Variants in NINL observed in about 807,000 individuals in gnomAD.
NINL encodes the protein ninein like.
In NINL, 153 loss-of-function variants were observed where a neutral mutation model predicts 160.3. The observed-to-expected ratio is 0.95, with a 90% confidence interval of 0.84 to 1.09. The LOEUF (loss-of-function observed/expected upper bound fraction) is 1.09, where lower values mean the gene tolerates loss of function less well. NINL is among the 50% of genes least tolerant of loss of function. NINL has a pLI of 0.00. For missense variants in NINL, 1,829 were observed against 1,764.0 expected (o/e 1.04, Z -0.66); for synonymous variants, 800 against 734.8 (o/e 1.09, Z -1.43).
chr20:25,549,264 G>A (rs1396653689), intron 1 of NINL, among the ~76,000 whole-genome samples: 2 of 115,712 alleles, frequency 1.7e-5, no homozygotes, highest in Non-Finnish European at 3.6e-5. Flanking sequence ...GGCTGACCCC[G>A]GGACCCACAG....
In NINL at chr20:25,478,923, C is replaced by G; in HGVS notation, c.2201G>C (p.Arg734Thr). The G allele has an allele frequency of 6.5e-7, 1 of 1,527,622 alleles. No homozygotes were observed. Among genetic ancestry groups the G allele is most frequent in the South Asian group, 1.2e-5 (1 of 81,218 alleles). The allele number at this position is 1,527,622 out of a possible 1,614,324, so 94.6% of individuals were successfully genotyped here. A position where few individuals can be genotyped will look rare whatever the true frequency, so the allele number is the denominator to read the frequency against. The change falls in exon 16 of 24, where the codon AGG (arginine) becomes ACG (threonine). Residue 734 changes from arginine (R) to threonine (T), a missense_variant and splice_region_variant. Coordinates refer to ENST00000278886, the MANE Select transcript of NINL (RefSeq NM_025176.6). Reference sequence around the variant, plus strand: ...AAATCTCAAAAGAAGCTGGCTGGACCTGATCTGCTGCAGGTGGCTGTGATG... The same window carrying G: ...AAATCTCAAAAGAAGCTGGCTGGACGTGATCTGCTGCAGGTGGCTGTGATG... ...LRHHSHLQQIRREAEAELSGE... is the reference protein window; with the variant it reads ...LRHHSHLQQITREAEAELSGE...
intron 23 of NINL, among the ~76,000 whole-genome samples, 175 bp from the exon 24 acceptor site, chr20:25,453,817 G>A (rs1248945179): frequency 6.6e-6 from 1 of 152,246 alleles, no homozygotes; most frequent in Non-Finnish European, 1.5e-5. Flanking sequence ...TTGGGAGGCT[G>A]AGGTGGGCAG....
Position 25,512,884 on chromosome 20 carries a change from C to T in NINL, c.400G>A (p.Ala134Thr). The T allele has an allele frequency of 1.2e-6, 2 of 1,614,186 alleles. No homozygotes were observed. Among genetic ancestry groups the T allele is most frequent in the East Asian group, 2.2e-5 (1 of 44,880 alleles). Residue 134 changes from alanine (A) to threonine (T), a missense_variant, in exon 4 of 24, where the codon GCC becomes ACC. By Grantham distance (58) the Ala-to-Thr change is moderately conservative. Transcript: ENST00000278886. Reference protein sequence around the residue: ...ARRVPEQQTQASLKSHLWRSA... With the variant: ...ARRVPEQQTQTSLKSHLWRSA... The stretch of plus-strand genomic sequence containing the variant: ...CGCCAGAGGTGACTTTTCAGGCTGG[C>T]CTGGGTTTGCTGCTCCGGCACGCGT...
intron 1 of NINL, among the ~76,000 whole-genome samples, chr20:25,575,548 C>G (rs1023834971): frequency 6.6e-6 from 1 of 151,100 alleles, no homozygotes; most frequent in African/African-American, 2.4e-5. Flanking sequence ...GTCAGGAATT[C>G]GAGACCAGCT....
At chr20:25,576,313 G>A (rs1444005620) in intron 1 of NINL, among the ~76,000 whole-genome samples, 4 of 152,148 alleles carry the variant, frequency 2.6e-5, no homozygotes, top group Non-Finnish European at 5.9e-5. Flanking sequence ...GGAACACCTG[G>A]GTCAGGTGTG....
chr20:25,573,814 T>C (rs1023061747), intron 1 of NINL, among the ~76,000 whole-genome samples: 3 of 152,096 alleles, frequency 2.0e-5, no homozygotes, highest in East Asian at 1.9e-4. Flanking sequence ...CTGACACACA[T>C]AGAGTTCAAG....
At position 25,573,620 on chromosome 20, in the gene NINL, C is replaced by A. The variant is rs1328922635; in HGVS notation, c.-12+11835G>T. Among the ~76,000 whole-genome samples, 5 of 152,170 alleles carry A rather than the reference C, an allele frequency of 3.3e-5. No individual in the cohort carries two copies. In the East Asian group the frequency reaches 9.6e-4, roughly 29 times the overall value. On this transcript the variant is annotated intron_variant, in intron 1 of 23. Transcript: ENST00000278886. ...AGAGGATTCAGAATTGCCTGTCAAC[C>A]TAAATGTAGATAAAACACAGCAATC...
intron 18 of NINL, 103 bp downstream of exon 18, chr20:25,469,888 A>T: frequency 1.3e-6 from 1 of 774,626 alleles, no homozygotes; most frequent in South Asian, 1.6e-5. Flanking sequence ...ATGCAGGGCT[A>T]ATCTGAGAAC....
At chr20:25,493,459 G>A (rs1418340443) in intron 10 of NINL, among the ~76,000 whole-genome samples, 1 of 152,156 alleles carries the variant, frequency 6.6e-6, no homozygotes, top group Non-Finnish European at 1.5e-5. Context: ...AAAGGAGGGG[G>A]CGTCCAGGGA....
chr20:25,489,163 C>T lies in NINL; in HGVS notation c.1677+81G>A, dbSNP rs535510385. 42 of 1,306,206 alleles carry T rather than the reference C, an allele frequency of 3.2e-5. No individual in the cohort carries two copies. In the African/African-American group the frequency reaches 4.8e-4, roughly 15 times the overall value. The allele number at this position is 1,306,206 out of a possible 1,614,324, so 80.9% of individuals were successfully genotyped here. ...AGAGGCTCTCCCTGGAGCAGACACT[C>T]CTGCGTTACTGTGGACCACCTGCGT... On this transcript the variant is annotated intron_variant, in intron 13 of 23. Coordinates refer to ENST00000278886, the MANE Select transcript of NINL (RefSeq NM_025176.6).
At chr20:25,484,417 C>T (rs2063465979) in intron 13 of NINL, among the ~76,000 whole-genome samples, 1 of 152,166 alleles carries the variant, frequency 6.6e-6, no homozygotes, top group Non-Finnish European at 1.5e-5. Flanking sequence ...ACCAAGACTC[C>T]TTGGAGAAAT....
rs1601070580 is a variant in NINL at position 25,477,019 on chromosome 20, TC to T, written c.2271del (p.Thr758ProfsTer28). 3 of 1,600,468 alleles carry T rather than the reference TC, an allele frequency of 1.9e-6. No homozygotes were observed. Among genetic ancestry groups the T allele is most frequent in the Non-Finnish European group, 8.5e-7 (1 of 1,179,662 alleles). On this transcript the variant is annotated frameshift_variant, in exon 17 of 24. Transcript: ENST00000278886. LOFTEE classifies it high-confidence loss of function. ...GLGALPARRD[L>X]TLELEEPPQG... ...TGCGGCGGCTCCTCCAGCTCCAAGG[TC>T]AGGTCTCTGCGAGCGGGCAGGGCTC...
chr20:25,523,654 T>G (rs1336452383), intron 2 of NINL, among the ~76,000 whole-genome samples: 1 of 152,034 alleles, frequency 6.6e-6, no homozygotes, highest in East Asian at 1.9e-4. Flanking sequence ...TGTTTGCTTG[T>G]TTTTTTGAGA....
chr20:25,566,521 T>C (rs1309558315), intron 1 of NINL, among the ~76,000 whole-genome samples: 2 of 152,170 alleles, frequency 1.3e-5, no homozygotes, highest in African/African-American at 4.8e-5. Flanking sequence ...TAACTATGAT[T>C]AACATGTGAG....
intron 7 of NINL, among the ~76,000 whole-genome samples, chr20:25,503,179 C>T (rs977237161): frequency 9.2e-5 from 14 of 151,794 alleles, no homozygotes; most frequent in African/African-American, 3.4e-4. Flanking sequence ...AGTTCCTCAC[C>T]TGAGCACTGC....
intron 16 of NINL, among the ~76,000 whole-genome samples, chr20:25,477,973 G>A (rs976410648): frequency 2.8e-5 from 4 of 144,566 alleles, no homozygotes; most frequent in African/African-American, 1.0e-4. Flanking sequence ...TTTTTTAGAC[G>A]AGTCTCACTT....
chr20:25,539,513 C>T (rs574096326), intron 1 of NINL, among the ~76,000 whole-genome samples: 4 of 152,308 alleles, frequency 2.6e-5, no homozygotes, highest in East Asian at 3.9e-4. Flanking sequence ...GCGCTCCATA[C>T]GGAGACTGCT....
chr20:25,519,746 G>A (rs1229769028), intron 2 of NINL, among the ~76,000 whole-genome samples: 1 of 152,088 alleles, frequency 6.6e-6, no homozygotes, highest in African/African-American at 2.4e-5. Flanking sequence ...GCCGGGTGCG[G>A]TGGCTCTTGC....
intron 19 of NINL, among the ~76,000 whole-genome samples, chr20:25,465,253 G>A (rs1409976561): frequency 6.6e-6 from 1 of 152,178 alleles, no homozygotes; most frequent in Non-Finnish European, 1.5e-5. Context: ...CCAAAAGCCA[G>A]TGTCATGGGG....
Sources: gnomAD v4.1 joint callset for allele counts (sites outside exome capture counted in the v4.1 genomes callset) on GRCh38, gnomAD v4.1.1 for gene constraint, MANE v1.5 for transcripts, NCBI Gene and HGNC (gene_info 2026-07-23, HGNC 2026-07-21) for gene names.